The following SLC14A2 variants were observed in gnomAD, a reference collection of about 807,000 sequenced individuals.
SLC14A2 encodes the protein urea transporter 2.
Under a neutral mutation model 104.6 loss-of-function variants are expected in SLC14A2, and 91 were observed. The ratio of observed to expected loss-of-function variants is 0.87; its 90% CI spans 0.73 to 1.04. The LOEUF (loss-of-function observed/expected upper bound fraction) is 1.04, where lower values mean the gene tolerates loss of function less well. SLC14A2 is among the 50% of genes least tolerant of loss of function. The pLI is 0.00. For synonymous variants in SLC14A2, 476 were observed against 466.4 expected, an observed-to-expected ratio of 1.02 and a Z score of -0.27; for missense variants, 1,189 against 1,156.0, an observed-to-expected ratio of 1.03 and a Z score of -0.41.
intron 1 of SLC14A2, among the ~76,000 whole-genome samples, chr18:45,372,182 C>G (rs2085729700): frequency 6.6e-6 from 1 of 152,016 alleles, no homozygotes; most frequent in Non-Finnish European, 1.5e-5. Context: ...AATGGTGGCA[C>G]TTGCCTGTAA....
At chr18:45,608,624 CAG>C (rs2044913188) in intron 2 of SLC14A2, among the ~76,000 whole-genome samples, 1 of 152,232 alleles carries the variant, frequency 6.6e-6, no homozygotes. Flanking sequence ...TCCATCTTTT[CAG>C]AGTTTTGGCT....
the SLC14A2 span, among the ~76,000 whole-genome samples, chr18:45,173,820 A>G: frequency 6.6e-6 from 1 of 152,256 alleles, no homozygotes; most frequent in South Asian, 2.1e-4. Flanking sequence ...TAATGCATGA[A>G]GCTGAAAGAG....
intron 2 of SLC14A2, among the ~76,000 whole-genome samples, chr18:45,606,581 G>T (rs535617658): frequency 6.8e-6 from 1 of 147,936 alleles, no homozygotes; most frequent in Non-Finnish European, 1.5e-5. Flanking sequence ...CTCAAACCCC[G>T]TAAAGCTGGT....
In SLC14A2 at chr18:45,535,925, A is replaced by G. The variant is rs2043773338; in HGVS notation, c.-35+52603A>G. The stretch of plus-strand genomic sequence containing the variant: ...TCTTGCCCTAAGGACATTTAATCAA[A>G]GGAACAACATGGCAATGAATGAGCA... On this transcript the variant is annotated intron_variant, in intron 2 of 20. Transcript: ENST00000586448. 1.3e-5 allele frequency among the ~76,000 whole-genome samples: 2 copies of G among 152,228 alleles called. 1 individual carries two copies. The highest frequency in any genetic ancestry group is 4.1e-4 in the South Asian group (2 of 4,830).
intron 1 of SLC14A2, among the ~76,000 whole-genome samples, chr18:45,395,828 G>C (rs1168781798): frequency 2.0e-5 from 3 of 152,082 alleles, no homozygotes; most frequent in African/African-American, 7.2e-5. Flanking sequence ...TGAGGGATGT[G>C]CCTTTCAGAT....
rs563434169 is a variant in SLC14A2, at chr18:45,235,794, C to T, written c.-125+22603C>T. Reference sequence around the variant, plus strand: ...GGTGAGTAGCATTCCAATGTGTATGCGCGTGTGTGTGTGTGTGTGTATATA... The same window carrying T: ...GGTGAGTAGCATTCCAATGTGTATGTGCGTGTGTGTGTGTGTGTGTATATA... On this transcript the variant is annotated intron_variant, in intron 1 of 20. Transcript: ENST00000586448. 7.2e-4 allele frequency among the ~76,000 whole-genome samples: 88 copies of T among 122,000 alleles called. 2 individuals are homozygous for T. The highest frequency in any genetic ancestry group is 2.8e-3 in the East Asian group (13 of 4,642). 80.0% of individuals were successfully genotyped at this position (122,000 alleles called of 152,430 possible). A position where few individuals can be genotyped will look rare whatever the true frequency, so the allele number is the denominator to read the frequency against.
intron 1 of SLC14A2, among the ~76,000 whole-genome samples, chr18:45,240,227 G>C (rs565178387): frequency 6.6e-6 from 1 of 151,252 alleles, no homozygotes; most frequent in Non-Finnish European, 1.5e-5. Flanking sequence ...GTCCCGAGTG[G>C]CTGGGACTAC....
At chr18:45,564,155 T>G (rs752143960) in intron 2 of SLC14A2, among the ~76,000 whole-genome samples, 2 of 152,234 alleles carry the variant, frequency 1.3e-5, no homozygotes, top group Non-Finnish European at 2.9e-5. Flanking sequence ...ACAAGATGAA[T>G]GGTGCATATA....
At chr18:45,658,699 A>G (rs1327042229) in intron 10 of SLC14A2, among the ~76,000 whole-genome samples, 2 of 152,168 alleles carry the variant, frequency 1.3e-5, no homozygotes, top group African/African-American at 4.8e-5. Context: ...AAGAAGTCAC[A>G]TATGATTTAG....
chr18:45,626,894 AC>A (rs1170307221), intron 3 of SLC14A2, 63 bp from the exon 4 acceptor site: 1 of 1,440,156 alleles, frequency 6.9e-7, no homozygotes, highest in Non-Finnish European at 9.6e-7. Context: ...TGCCATGCCA[AC>A]CAGCAGTTCA....
chr18:45,639,644 C>G, intron 6 of SLC14A2, 102 bp from the exon 7 acceptor site: 3 of 1,138,080 alleles, frequency 2.6e-6, no homozygotes, highest in Non-Finnish European at 3.8e-6. Context: ...TCCTCCCGTT[C>G]CACTCCATTA....
chr18:45,180,868 G>T, the SLC14A2 span: 3 of 152,086 alleles, frequency 2.0e-5, no homozygotes, highest in African/African-American at 7.2e-5. Flanking sequence ...AAATAAAAAA[G>T]TTTACTGAAG....
chr18:45,422,394 G>T (rs1005353233), intron 1 of SLC14A2, among the ~76,000 whole-genome samples: 1 of 152,174 alleles, frequency 6.6e-6, no homozygotes, highest in Non-Finnish European at 1.5e-5. Flanking sequence ...AGGCAAATTT[G>T]AGTCTAGGGA....
intron 2 of SLC14A2, among the ~76,000 whole-genome samples, chr18:45,504,195 A>G (rs1021521393): frequency 5.9e-5 from 9 of 152,212 alleles, no homozygotes; most frequent in African/African-American, 2.2e-4. Flanking sequence ...TTCTATCTAG[A>G]TTCCGGCAAA....
intron 1 of SLC14A2, among the ~76,000 whole-genome samples, chr18:45,305,152 C>T (rs1320370980): frequency 6.6e-6 from 1 of 152,158 alleles, no homozygotes; most frequent in African/African-American, 2.4e-5. Flanking sequence ...ATTTCAGGAG[C>T]AACAGCAAGG....
At chr18:45,442,031 A>G (rs1378193919) in intron 1 of SLC14A2, among the ~76,000 whole-genome samples, 1 of 152,150 alleles carries the variant, frequency 6.6e-6, no homozygotes, top group Non-Finnish European at 1.5e-5. Context: ...AGGAAGATGT[A>G]TCATATCTGG....
chr18:45,465,704 A>T (rs2087128694), intron 1 of SLC14A2, among the ~76,000 whole-genome samples: 1 of 152,008 alleles, frequency 6.6e-6, no homozygotes, highest in Non-Finnish European at 1.5e-5. Context: ...AGCCCACCTG[A>T]CCCAGGAAAT....
At chr18:45,492,360 C>G (rs759881617) in intron 2 of SLC14A2, among the ~76,000 whole-genome samples, 3 of 152,312 alleles carry the variant, frequency 2.0e-5, no homozygotes, top group African/African-American at 7.2e-5. Flanking sequence ...ACTCACAGTT[C>G]TGCACGGCGG....
intron 7 of SLC14A2, among the ~76,000 whole-genome samples, chr18:45,640,971 C>G (rs989305168): frequency 6.6e-6 from 1 of 152,212 alleles, no homozygotes; most frequent in Non-Finnish European, 1.5e-5. Context: ...TCTTCTCACC[C>G]AGGAGGACCT....
Sources: allele counts gnomAD v4.1 joint callset (sites outside exome capture counted in the v4.1 genomes callset), GRCh38; gene constraint gnomAD v4.1.1; transcripts MANE v1.5; gene names NCBI Gene and HGNC (gene_info 2026-07-23, HGNC 2026-07-21).